Variants in MYH2 observed in about 807,000 individuals in gnomAD.
MYH2 encodes the protein myosin-2.
In MYH2, 139 loss-of-function variants were observed where a neutral mutation model predicts 228.1. The observed-to-expected ratio is 0.61, with a 90% CI of 0.53 to 0.70. The LOEUF (loss-of-function observed/expected upper bound fraction) is 0.70. Among genes scored for constraint, MYH2 ranks in the 30% least tolerant of loss-of-function variants. The probability of loss-of-function intolerance (pLI) is 0.00; values close to 1 mark genes in which losing one functional copy is unlikely to be tolerated. For missense variants in MYH2, 1,809 were observed against 2,357.5 expected, an observed-to-expected ratio of 0.77 and a Z score of 4.82; for synonymous variants, 796 against 871.1, an observed-to-expected ratio of 0.91 and a Z score of 1.52.
In MYH2 at chr17:10,543,778, C is replaced by T. The variant is rs534089498; in HGVS notation, c.674G>A (p.Ser225Asn). The T allele has an allele frequency of 3.1e-6, 5 of 1,614,204 alleles. No individual in the cohort carries two copies. The South Asian group carries it at 5.5e-5, about 18-fold the overall frequency. Reference sequence around the variant, plus strand: ...AAAGGCCTCCAGTAGGGGGTTGGCACTGATGATTTGATCTTCCAGAGTCCC... The same window carrying T: ...AAAGGCCTCCAGTAGGGGGTTGGCATTGATGATTTGATCTTCCAGAGTCCC... Reference protein sequence around the residue: ...IQGTLEDQIISANPLLEAFGN... With the variant: ...IQGTLEDQIINANPLLEAFGN... Residue 225 changes from serine (S) to asparagine (N), a missense_variant, in exon 8 of 40, where the codon AGT becomes AAT. Coordinates refer to ENST00000245503, the MANE Select transcript of MYH2 (RefSeq NM_017534.6).
intron 17 of MYH2, 66 bp from the exon 18 acceptor site, chr17:10,535,431 C>A: frequency 7.4e-7 from 1 of 1,354,832 alleles, no homozygotes; most frequent in South Asian, 1.2e-5. Flanking sequence ...TCATTGGTGT[C>A]TATAAAATCA....
chr17:10,534,465 C>T (rs555197371), intron 19 of MYH2, among the ~76,000 whole-genome samples: 16 of 152,182 alleles, frequency 1.1e-4, no homozygotes, highest in South Asian at 8.3e-4. Flanking sequence ...TGTGTTTTTG[C>T]GAGGATTAAA....
At position 10,533,093 on chromosome 17, in the gene MYH2, A is replaced by G. The variant is rs148097648; in HGVS notation, c.2441+192T>C. ...GTACACACTTCTTACCTAACTTCTC[A>G]AGTTTTTACCCATGCAATCAGATGG... is the stretch of plus-strand genomic sequence containing the variant. On this transcript the variant is annotated intron_variant, in intron 21 of 39. Coordinates refer to ENST00000245503, the MANE Select transcript of MYH2 (RefSeq NM_017534.6). Among the ~76,000 whole-genome samples the G allele has an allele frequency of 1.0e-3, 156 of 152,232 alleles. 1 individual carries two copies. The East Asian group carries it at 0.017, about 16-fold the overall frequency.
At position 10,525,556 on chromosome 17, in the gene MYH2, T is replaced by C. The variant is rs749747608; in HGVS notation, c.4432A>G (p.Lys1478Glu). The change falls in exon 32 of 40, where the codon AAG becomes GAG. Residue 1478 changes from lysine to glutamate, a missense_variant. Lys to Glu is a moderately conservative substitution (Grantham distance 56). Around this residue, in one of 9 missense-constraint regions of MYH2, gnomAD observed 636 missense variants for 729.9 expected, o/e 0.87. Transcript: ENST00000245503. This position sits in a 1 kb window ranked among gnomAD's most constrained non-coding sequence, Gnocchi z 4.2. ...TCAGTGCCAAGGGAACGGGCCTCCT[T>C]CTGGGAGGCCTCAAGCTCAGCATGC... is the stretch of plus-strand genomic sequence containing the variant. ...ETHAELEASQ[K>E]EARSLGTELF... 6.2e-7 allele frequency: 1 copy of C among 1,614,136 alleles called. No homozygotes were observed. The highest frequency in any genetic ancestry group is 8.5e-7 in the Non-Finnish European group (1 of 1,179,994).
chr17:10,547,003 A>G (rs1408757888), intron 4 of MYH2, among the ~76,000 whole-genome samples: 2 of 152,040 alleles, frequency 1.3e-5, no homozygotes, highest in African/African-American at 4.8e-5. Flanking sequence ...AGGCACAAGA[A>G]TCGCTTGAAC....
At position 10,548,745 on chromosome 17, in the gene MYH2, C is replaced by T. The variant is rs146746125; in HGVS notation, c.-21+630G>A. ...CTTTGAAGCATGCAGGCCCTGTTTG[C>T]TCCGTTCTATGTGATCTGTAGGTTG... On this transcript the variant is annotated intron_variant, in intron 2 of 39. Coordinates refer to ENST00000245503, the MANE Select transcript of MYH2 (RefSeq NM_017534.6). Among the ~76,000 whole-genome samples the T allele has an allele frequency of 1.3e-3, 196 of 152,306 alleles. 1 individual carries two copies. The Middle Eastern group carries it at 0.027, about 21-fold the overall frequency.
chr17:10,525,803 C>T lies in MYH2; in HGVS notation c.4261G>A (p.Glu1421Lys), dbSNP rs368304404. The change falls in exon 31 of 40, where the codon GAA becomes AAA. Residue 1421 changes from glutamate (E) to lysine (K), a missense_variant. Glu to Lys is a moderately conservative substitution (Grantham distance 56). This residue lies in a region of MYH2 where 636 missense variants were observed against 729.9 expected (regional missense o/e 0.87). Coordinates refer to ENST00000245503, the MANE Select transcript of MYH2 (RefSeq NM_017534.6). This position sits in a 1 kb window ranked among gnomAD's most constrained non-coding sequence, Gnocchi z 4.2. The stretch of plus-strand genomic sequence containing the variant: ...TTCTGCAGCCGCTGCTTCGTCTTTT[C>T]GAGGGAAGCACATTTGGCGTTCACA... Reference protein sequence around the residue: ...EAVNAKCASLEKTKQRLQNEV... With the variant: ...EAVNAKCASLKKTKQRLQNEV... 68 of 1,613,966 alleles carry T rather than the reference C, an allele frequency of 4.2e-5. No homozygotes were observed. The highest frequency in any genetic ancestry group is 1.3e-4 in the Admixed American group (8 of 59,992).
chr17:10,542,985 C>A lies in MYH2; in HGVS notation c.806-12G>T. 6.2e-7 allele frequency: 1 copy of A among 1,603,412 alleles called. No individual in the cohort carries two copies. The highest frequency in any genetic ancestry group is 1.1e-5 in the South Asian group (1 of 90,834). ...CTTCTCTAGCAGATCTGGAAGGAAA[C>A]AAATAACACATAAGAAAATTGTAAA... On this transcript the variant is annotated splice_polypyrimidine_tract_variant and intron_variant, in intron 9 of 39. Coordinates refer to ENST00000245503, the MANE Select transcript of MYH2 (RefSeq NM_017534.6).
In MYH2 at chr17:10,537,670, C is replaced by T; in HGVS notation, c.1582G>A (p.Glu528Lys). 2 of 1,614,170 alleles carry T rather than the reference C, an allele frequency of 1.2e-6. No homozygotes were observed. Among genetic ancestry groups the T allele is most frequent in the East Asian group, 2.2e-5 (1 of 44,890 alleles). Residue 528 changes from glutamate (E) to lysine (K), a missense_variant, in exon 15 of 40, where the codon GAG becomes AAG. Coordinates refer to ENST00000245503, the MANE Select transcript of MYH2 (RefSeq NM_017534.6). The surrounding 1 kb of genome is among the most constrained non-coding windows in gnomAD (Gnocchi z 4.0). ...TTCAGAAATGCAAAACCAACCTTCTCGATGAGCTCGATGCAGGCAGCCAGG... is the reference window on the plus strand; with the variant it reads ...TTCAGAAATGCAAAACCAACCTTCTTGATGAGCTCGATGCAGGCAGCCAGG... Reference protein sequence around the residue: ...MDLAACIELIEKPMGIFSILE... With the variant: ...MDLAACIELIKKPMGIFSILE...
chr17:10,527,109 A>C, intron 28 of MYH2, 53 bp from the exon 29 acceptor site: 1 of 1,528,684 alleles, frequency 6.5e-7, no homozygotes, highest in Non-Finnish European at 9.1e-7. Context: ...AAGATTCTGC[A>C]AGCCCATGTT....
Position 10,531,863 on chromosome 17 carries a change from T to A in MYH2, c.2467A>T (p.Asn823Tyr). 6.2e-7 allele frequency: 1 copy of A among 1,614,142 alleles called. No homozygotes were observed. The highest frequency in any genetic ancestry group is 8.5e-7 in the Non-Finnish European group (1 of 1,179,978). ...TTGACATTCATGAAGGATCTGATAT[T>A]GTACTGGATACAGAAGATGGCCTCC... ...RREAIFCIQY[N>Y]IRSFMNVKHW... The change falls in exon 22 of 40, where the codon AAT becomes TAT. Residue 823 changes from asparagine to tyrosine, a missense_variant. Physicochemically the swap from Asn to Tyr is moderately radical, Grantham distance 143 (BLOSUM62 -2). Transcript: ENST00000245503.
In MYH2 at chr17:10,525,339, G is replaced by T; in HGVS notation, c.4547C>A (p.Ser1516Tyr). ...RENKNLQQEI[S>Y]DLTEQIAEGG... is the part of the protein sequence containing the mutation. Reference sequence around the variant, plus strand: ...TTCTGCAATCTGTTCCGTGAGGTCAGAAATCTCCTCTGTTGTTTGAGTAAA... The same window carrying T: ...TTCTGCAATCTGTTCCGTGAGGTCATAAATCTCCTCTGTTGTTTGAGTAAA... Residue 1516 changes from serine (S) to tyrosine (Y), a missense_variant, in exon 33 of 40, where the codon TCT becomes TAT. Ser to Tyr is a moderately radical substitution (Grantham distance 144, BLOSUM62 -2). This residue lies in a region of MYH2 where 636 missense variants were observed against 729.9 expected (regional missense o/e 0.87). Coordinates refer to ENST00000245503, the MANE Select transcript of MYH2 (RefSeq NM_017534.6). This position sits in a 1 kb window ranked among gnomAD's most constrained non-coding sequence, Gnocchi z 4.2. 1 of 1,614,180 alleles carries T rather than the reference G, an allele frequency of 6.2e-7. No individual in the cohort carries two copies. Among genetic ancestry groups the T allele is most frequent in the East Asian group, 2.2e-5 (1 of 44,886 alleles).
chr17:10,542,723 G>T, intron 10 of MYH2, 152 bp downstream of exon 10: 1 of 553,948 alleles, frequency 1.8e-6, no homozygotes, highest in Non-Finnish European at 3.2e-6. Flanking sequence ...TTTCTAATGA[G>T]CACATATAAA....
chr17:10,544,076 A>G (rs1425435816), intron 6 of MYH2, 24 bp downstream of exon 6: 12 of 1,614,206 alleles, frequency 7.4e-6, no homozygotes, highest in South Asian at 3.3e-5. Context: ...ACAGCCATGT[A>G]AAGAAAGCAT....
At chr17:10,543,370 TG>T (rs2073582845) in intron 8 of MYH2, among the ~76,000 whole-genome samples, 2 of 152,178 alleles carry the variant, frequency 1.3e-5, no homozygotes, top group South Asian at 4.1e-4. Context: ...TGTGAAGTAA[TG>T]GATATGTTAA....
At chr17:10,548,463 T>C (rs978428003) in intron 2 of MYH2, among the ~76,000 whole-genome samples, 8 of 152,152 alleles carry the variant, frequency 5.3e-5, no homozygotes, top group African/African-American at 1.9e-4. Context: ...TTGAATGTAA[T>C]GTAGAAGAAC....
chr17:10,533,644 C>T lies in MYH2; in HGVS notation c.2181-12G>A, dbSNP rs760165871. 2.5e-6 allele frequency: 4 copies of T among 1,613,614 alleles called. No individual in the cohort carries two copies. The highest frequency in any genetic ancestry group is 3.4e-6 in the Non-Finnish European group (4 of 1,179,702). On this transcript the variant is annotated splice_polypyrimidine_tract_variant and intron_variant, in intron 19 of 39. Transcript: ENST00000245503. ...TTAATACCTTGTATCTGTTGAAGTA[C>T]ATATAGCTTTTAACAACTAGTTTAC...
At chr17:10,527,675 T>G (rs2142296731) in intron 28 of MYH2, 73 bp downstream of exon 28, 1 of 1,608,808 alleles carries the variant, frequency 6.2e-7, no homozygotes, top group Non-Finnish European at 8.5e-7. Flanking sequence ...AGGCTCCCAC[T>G]TCACCAAATC....
At chr17:10,528,629 C>G in intron 27 of MYH2, 61 bp downstream of exon 27, 1 of 1,612,480 alleles carries the variant, frequency 6.2e-7, no homozygotes, top group Non-Finnish European at 8.5e-7. Flanking sequence ...GTGCCCTGTG[C>G]AAACTATGAT....
Sources: allele counts gnomAD v4.1 joint callset (sites outside exome capture counted in the v4.1 genomes callset), GRCh38; gene constraint gnomAD v4.1.1; regional missense constraint gnomAD v4.1.1; non-coding constraint Gnocchi (gnomAD v3.1); transcripts MANE v1.5; gene names NCBI Gene and HGNC (gene_info 2026-07-23, HGNC 2026-07-21).